The following WDR27 variants were observed in gnomAD, a reference collection of about 807,000 sequenced individuals.
The protein encoded by WDR27 is WD repeat-containing protein 27.
WDR27 carries 100 observed loss-of-function variants against 114.4 expected under a neutral mutation model. That is an observed-to-expected ratio of 0.87 (90% CI 0.74 to 1.03). WDR27 has a LOEUF of 1.03. Among genes scored for constraint, WDR27 ranks in the 50% least tolerant of loss-of-function variants. The pLI, the probability that WDR27 is intolerant of heterozygous loss-of-function variation, is 0.00. For synonymous variants in WDR27, 449 were observed against 423.1 expected (o/e 1.06, Z -0.75); for missense variants, 1,129 against 1,092.9 (o/e 1.03, Z -0.47).
chr6:169,582,723 C>T, intron 24 of WDR27, 113 bp downstream of exon 24: 1 of 725,232 alleles, frequency 1.4e-6, no homozygotes, highest in Admixed American at 2.7e-5. Context: ...TGAACACTGG[C>T]ATGTAACCTT....
intron 25 of WDR27, among the ~76,000 whole-genome samples, chr6:169,482,475 G>A (rs376443336): frequency 3.9e-5 from 6 of 152,222 alleles, no homozygotes; most frequent in Middle Eastern, 3.4e-3. Context: ...GTATGAGATG[G>A]TATCTCATTA....
chr6:169,636,373 CTT>C lies in WDR27; in HGVS notation c.1999_2000del (p.Lys667GlufsTer3). ...TGCACAGGGCGGGGGGTGCCTACCT[CTT>C]AATCTCATCTTTGCAAGTGTCAATG... Reference protein sequence around the residue: ...YHIDTCKDEIKRYKQKSKSKL... With the variant: ...YHIDTCKDEIXRYKQKSKSKL... On this transcript the variant is annotated frameshift_variant, in exon 19 of 26. Coordinates refer to ENST00000448612, the MANE Select transcript of WDR27 (RefSeq NM_182552.5). LOFTEE classifies it high-confidence loss of function. 6.2e-7 allele frequency: 1 copy of C among 1,613,714 alleles called. No homozygotes were observed.
intron 21 of WDR27, among the ~76,000 whole-genome samples, chr6:169,621,320 TCA>T (rs1429006652): frequency 1.0e-5 from 1 of 95,340 alleles, no homozygotes; most frequent in East Asian, 2.4e-4. Flanking sequence ...ACACACGCAT[TCA>T]CACATATACA....
intron 25 of WDR27, among the ~76,000 whole-genome samples, chr6:169,486,445 A>C (rs576125993): frequency 6.6e-6 from 1 of 152,120 alleles, no homozygotes; most frequent in Non-Finnish European, 1.5e-5. Context: ...AGGCTCCGGC[A>C]GCCTTTGTTT....
downstream of WDR27, among the ~76,000 whole-genome samples, chr6:169,456,659 G>A (rs1784356970): frequency 6.6e-6 from 1 of 152,280 alleles, no homozygotes; most frequent in Middle Eastern, 3.4e-3. The surrounding 1 kb of genome is among the most constrained non-coding windows in gnomAD (Gnocchi z 4.0). Flanking sequence ...TCAACTGTGG[G>A]AGGAGGGCCC....
At chr6:169,580,766 A>G (rs1803226810) in intron 24 of WDR27, among the ~76,000 whole-genome samples, 2 of 152,044 alleles carry the variant, frequency 1.3e-5, no homozygotes, top group Admixed American at 6.6e-5. Flanking sequence ...AATAAAAACT[A>G]CTTCCAGTTG....
At chr6:169,489,550 T>C (rs1165569757) in intron 25 of WDR27, among the ~76,000 whole-genome samples, 3 of 152,204 alleles carry the variant, frequency 2.0e-5, no homozygotes, top group African/African-American at 7.2e-5. Context: ...GAAAGTCCCA[T>C]GACATAGCAT....
At chr6:169,663,656 T>C (rs1025662621) in intron 8 of WDR27, 5 of 155,432 alleles carry the variant, frequency 3.2e-5, no homozygotes, top group Non-Finnish European at 7.1e-5. Flanking sequence ...GCATCTGCAA[T>C]GCGCAGGAGA....
chr6:169,455,149 A>G (rs890616193), downstream of WDR27, among the ~76,000 whole-genome samples: 3 of 152,210 alleles, frequency 2.0e-5, no homozygotes, highest in African/African-American at 7.2e-5. Flanking sequence ...TCCTCGTCAC[A>G]CAGACCTTGG....
At chr6:169,552,935 C>T (rs1798345631) in intron 25 of WDR27, among the ~76,000 whole-genome samples, 1 of 150,266 alleles carries the variant, frequency 6.7e-6, no homozygotes, top group Admixed American at 6.6e-5. Flanking sequence ...AAGCGCGGCT[C>T]GCACGCGCTC....
At chr6:169,519,163 C>T (rs545266637) in intron 25 of WDR27, among the ~76,000 whole-genome samples, 2 of 152,318 alleles carry the variant, frequency 1.3e-5, no homozygotes, top group South Asian at 2.1e-4. Flanking sequence ...CTAAGAAGTT[C>T]CAGATTTTCC....
At chr6:169,504,255 T>TGTATC (rs1361253895) in intron 25 of WDR27, among the ~76,000 whole-genome samples, 2 of 152,220 alleles carry the variant, frequency 1.3e-5, no homozygotes, top group African/African-American at 4.8e-5. Context: ...GTTAGATGAA[T>TGTATC]GTATCATGTT....
intron 25 of WDR27, among the ~76,000 whole-genome samples, chr6:169,487,257 A>G (rs1789058590): frequency 6.6e-6 from 1 of 152,216 alleles, no homozygotes; most frequent in African/African-American, 2.4e-5. Context: ...TTATAATGTG[A>G]ACATCGACCT....
intron 23 of WDR27, among the ~76,000 whole-genome samples, chr6:169,598,762 C>T (rs543067890): frequency 2.0e-4 from 31 of 152,342 alleles, no homozygotes; most frequent in African/African-American, 3.8e-4. Context: ...CCCTTGGACC[C>T]TGCAGAAGGG....
chr6:169,627,519 T>C (rs547699133), intron 21 of WDR27, among the ~76,000 whole-genome samples: 10 of 152,266 alleles, frequency 6.6e-5, no homozygotes, highest in African/African-American at 2.4e-4. Context: ...AAAACACGTA[T>C]CAGAATGTGG....
chr6:169,617,557 G>A (rs1211065220), intron 21 of WDR27, among the ~76,000 whole-genome samples: 7 of 152,140 alleles, frequency 4.6e-5, no homozygotes, highest in Non-Finnish European at 8.8e-5. Context: ...TGTATTTTTA[G>A]TAAAGACCGG....
intron 2 of WDR27, among the ~76,000 whole-genome samples, chr6:169,675,084 C>T (rs2128303733): frequency 6.6e-6 from 1 of 152,264 alleles, no homozygotes; most frequent in Admixed American, 6.5e-5. Flanking sequence ...TGGATGTGTA[C>T]ATGCAGGTCA....
chr6:169,440,575 C>T, the WDR27 span, among the ~76,000 whole-genome samples: 2 of 152,038 alleles, frequency 1.3e-5, no homozygotes, highest in South Asian at 2.1e-4. Context: ...AAGACCGTTG[C>T]CCCTCTTAAT....
At chr6:169,690,601 C>G (rs1355677087) in intron 1 of WDR27, among the ~76,000 whole-genome samples, 1 of 152,166 alleles carries the variant, frequency 6.6e-6, no homozygotes, top group Non-Finnish European at 1.5e-5. Context: ...ACTATTTTGC[C>G]CTTAGGAGGC....
Sources: allele counts gnomAD v4.1 joint callset (sites outside exome capture counted in the v4.1 genomes callset), GRCh38; gene constraint gnomAD v4.1.1; non-coding constraint Gnocchi (gnomAD v3.1); transcripts MANE v1.5; gene names NCBI Gene and HGNC (gene_info 2026-07-23, HGNC 2026-07-21).